ROCK2: variants seen among roughly 807,000 people sequenced by gnomAD.
The protein encoded by ROCK2 is rho-associated protein kinase 2.
A neutral mutation model predicts 195.1 loss-of-function variants in ROCK2; 61 were observed. The observed-to-expected ratio is 0.31, with a 90% CI of 0.25 to 0.39. The LOEUF is 0.39. Among genes scored for constraint, ROCK2 ranks in the 10% least tolerant of loss-of-function variants. The pLI, the probability that ROCK2 is intolerant of heterozygous loss-of-function variation, is 1.00. For synonymous variants in ROCK2, 504 were observed against 545.5 expected (o/e 0.92, Z 1.06); for missense variants, 1,109 against 1,637.4 (o/e 0.68, Z 5.57).
At chr2:11,335,265 A>G (rs1668894886) in intron 1 of ROCK2, among the ~76,000 whole-genome samples, 1 of 152,082 alleles carries the variant, frequency 6.6e-6, no homozygotes, top group Non-Finnish European at 1.5e-5. Context: ...CAGAATTTAC[A>G]AGAATATCTA....
Position 11,192,753 on chromosome 2 carries a change from C to A in ROCK2, c.3688-41G>T. The stretch of plus-strand genomic sequence containing the variant: ...GAACAATAAGTGATTTCCAAACATG[C>A]TATTTTTTTATGTAGGAACAATTCT... On this transcript the variant is annotated intron_variant, in intron 30 of 32. Coordinates refer to ENST00000315872, the MANE Select transcript of ROCK2 (RefSeq NM_004850.5). The surrounding 1 kb of genome is among the most constrained non-coding windows in gnomAD (Gnocchi z 5.0). The A allele has an allele frequency of 6.4e-7, 1 of 1,564,110 alleles. No homozygotes were observed. The highest frequency in any genetic ancestry group is 8.6e-7 in the Non-Finnish European group (1 of 1,157,222).
In ROCK2 at chr2:11,192,659, C is replaced by G; in HGVS notation, c.3741G>C (p.Glu1247Asp). Residue 1247 changes from glutamate to aspartate, a missense_variant, in exon 31 of 33, where the codon GAG becomes GAC. By Grantham distance (45) the Glu-to-Asp change is conservative. This residue lies in a region of ROCK2 where 221 missense variants were observed against 355.1 expected (regional missense o/e 0.62). Transcript: ENST00000315872. This position sits in a 1 kb window ranked among gnomAD's most constrained non-coding sequence, Gnocchi z 5.0. Reference sequence around the variant, plus strand: ...TATAATTAGATTTTTCTCCAACTGGCTCCACTGGAAATTCTTGTTCCTTCT... The same window carrying G: ...TATAATTAGATTTTTCTCCAACTGGGTCCACTGGAAATTCTTGTTCCTTCT... ...ESKKEQEFPV[E>D]PVGEKSNYIC... 1.2e-6 allele frequency: 2 copies of G among 1,613,928 alleles called. No individual in the cohort carries two copies. The highest frequency in any genetic ancestry group is 1.7e-6 in the Non-Finnish European group (2 of 1,179,942).
Position 11,344,607 on chromosome 2 carries a change from GC to G in ROCK2, c.-472del, listed in dbSNP as rs1669231684. 1 of 246,930 alleles carries G rather than the reference GC, an allele frequency of 4.0e-6. No individual in the cohort carries two copies. The highest frequency in any genetic ancestry group is 6.2e-6 in the Non-Finnish European group (1 of 162,166). The allele number at this position is 246,930 out of a possible 1,614,324, so 15.3% of individuals were successfully genotyped here. ...CTTGCAGTCCCTCAGCCAGCTCCCGGCGCACACACTCCCGCGCGGCCGCCCG... is the reference window on the plus strand; with the variant it reads ...CTTGCAGTCCCTCAGCCAGCTCCCGGGCACACACTCCCGCGCGGCCGCCCG... On this transcript the variant is annotated 5_prime_UTR_variant, in exon 1 of 33. Coordinates refer to ENST00000315872, the MANE Select transcript of ROCK2 (RefSeq NM_004850.5). This position sits in a 1 kb window ranked among gnomAD's most constrained non-coding sequence, Gnocchi z 5.4.
chr2:11,249,866 T>C (rs1665766024), intron 3 of ROCK2, 68 bp from the exon 4 acceptor site: 3 of 1,227,678 alleles, frequency 2.4e-6, no homozygotes, highest in Non-Finnish European at 3.2e-6. Context: ...TAGATGATAC[T>C]ATAATGCTAT....
intron 1 of ROCK2, among the ~76,000 whole-genome samples, chr2:11,317,368 G>T (rs2148240728): frequency 6.6e-6 from 1 of 151,418 alleles, no homozygotes; most frequent in East Asian, 1.9e-4. Flanking sequence ...AGACGAACTT[G>T]AAATTGAATA....
At chr2:11,308,011 G>C in intron 1 of ROCK2, 1 of 1,547,962 alleles carries the variant, frequency 6.5e-7, no homozygotes, top group Non-Finnish European at 8.7e-7. Flanking sequence ...GAGGGGACGG[G>C]GTGGGGACCA....
intron 3 of ROCK2, among the ~76,000 whole-genome samples, chr2:11,259,653 G>A (rs771212923): frequency 1.6e-5 from 1 of 62,866 alleles, no homozygotes; most frequent in Non-Finnish European, 3.7e-5. Context: ...TTGTGTAAAA[G>A]TATTAATTAG....
chr2:11,259,632 A>G (rs1431956161), intron 3 of ROCK2, among the ~76,000 whole-genome samples: 1 of 135,674 alleles, frequency 7.4e-6, no homozygotes, highest in Non-Finnish European at 1.6e-5. Flanking sequence ...CGGTGTTTAT[A>G]TATTTTTAAA....
chr2:11,345,104 G>C (rs962314074), upstream of ROCK2, among the ~76,000 whole-genome samples: 5 of 152,180 alleles, frequency 3.3e-5, no homozygotes, highest in African/African-American at 1.2e-4. Context: ...AAATAATAGC[G>C]ACCGAGCTCG....
intron 1 of ROCK2, among the ~76,000 whole-genome samples, chr2:11,343,223 A>C (rs562333793): frequency 1.3e-5 from 2 of 152,330 alleles, no homozygotes; most frequent in Admixed American, 1.3e-4. Flanking sequence ...CCTAACAAAA[A>C]TAAGAAATAA....
At chr2:11,326,121 G>A (rs139961676) in intron 1 of ROCK2, among the ~76,000 whole-genome samples, 2 of 152,314 alleles carry the variant, frequency 1.3e-5, no homozygotes, top group African/African-American at 4.8e-5. Flanking sequence ...AGCTGGATAT[G>A]TGAGCCAGAA....
In ROCK2 at chr2:11,245,463, G is replaced by A. The variant is rs561054187; in HGVS notation, c.462+4198C>T. ...TATTTGCTAAAACTGTGGTGAAAGA[G>A]AACATCTATTGTACAAAGATAATGT... On this transcript the variant is annotated intron_variant, in intron 4 of 32. Transcript: ENST00000315872. Among the ~76,000 whole-genome samples, 9 of 152,134 alleles carry A rather than the reference G, an allele frequency of 5.9e-5. No individual in the cohort carries two copies. In the South Asian group the frequency reaches 1.9e-3, roughly 32 times the overall value.
intron 1 of ROCK2, among the ~76,000 whole-genome samples, chr2:11,325,050 C>T (rs1668506308): frequency 6.6e-6 from 1 of 152,216 alleles, no homozygotes; most frequent in African/African-American, 2.4e-5. Context: ...GCTATACAAA[C>T]CAATTCTCCA....
intron 20 of ROCK2, among the ~76,000 whole-genome samples, chr2:11,203,367 A>G (rs1663933127): frequency 6.6e-6 from 1 of 152,218 alleles, no homozygotes; most frequent in African/African-American, 2.4e-5. Flanking sequence ...AGATATATAG[A>G]TAAAGGCACA....
intron 3 of ROCK2, among the ~76,000 whole-genome samples, chr2:11,273,993 TAAAC>T (rs1406203018): frequency 1.3e-5 from 2 of 148,714 alleles, no homozygotes; most frequent in African/African-American, 4.9e-5. Context: ...ACATGGAAAT[TAAAC>T]AACACACAAA....
At chr2:11,307,771 A>G (rs1268797396) in intron 1 of ROCK2, among the ~76,000 whole-genome samples, 1 of 152,350 alleles carries the variant, frequency 6.6e-6, no homozygotes, top group South Asian at 2.1e-4. Context: ...GAAAATATTC[A>G]GGAAAAAAAC....
chr2:11,279,668 C>T (rs1666935973), intron 3 of ROCK2, among the ~76,000 whole-genome samples: 2 of 152,148 alleles, frequency 1.3e-5, no homozygotes, highest in Admixed American at 6.5e-5. Flanking sequence ...TCAACAATAC[C>T]ATCAATCAAC....
intron 23 of ROCK2, among the ~76,000 whole-genome samples, 185 bp downstream of exon 23, chr2:11,200,772 A>AGGTGAAGTCACTTTT (rs1262576026): frequency 3.9e-5 from 6 of 152,224 alleles, no homozygotes; most frequent in Admixed American, 1.3e-4. Flanking sequence ...ATTCATTAAC[A>AGGTGAAGTCACTTTT]GGTGAAGTCA....
In ROCK2 at chr2:11,182,057, A is replaced by G. The variant is rs915603405; in HGVS notation, c.*1380T>C. The G allele has an allele frequency of 2.6e-5, 4 of 152,160 alleles. No individual in the cohort carries two copies. Among genetic ancestry groups the G allele is most frequent in the African/African-American group, 9.7e-5 (4 of 41,444 alleles). 9.4% of individuals were successfully genotyped at this position (152,160 alleles called of 1,614,324 possible). ...AACTTTACGCTTACCATTGCTGCAT[A>G]TTGTTGCAGTATAAAACACACACTT... is the stretch of plus-strand genomic sequence containing the variant. On this transcript the variant is annotated 3_prime_UTR_variant, in exon 33 of 33. Coordinates refer to ENST00000315872, the MANE Select transcript of ROCK2 (RefSeq NM_004850.5).
Sources: allele counts gnomAD v4.1 joint callset (sites outside exome capture counted in the v4.1 genomes callset), GRCh38; gene constraint gnomAD v4.1.1; regional missense constraint gnomAD v4.1.1; non-coding constraint Gnocchi (gnomAD v3.1); transcripts MANE v1.5; gene names NCBI Gene and HGNC (gene_info 2026-07-23, HGNC 2026-07-21).